ZCCHC2: variants seen among roughly 807,000 people sequenced by gnomAD.
ZCCHC2 encodes the protein zinc finger CCHC domain-containing protein 2.
A neutral mutation model predicts 103.6 loss-of-function variants in ZCCHC2; 39 were observed. That is an observed-to-expected ratio of 0.38 (90% CI 0.29 to 0.49). The LOEUF (loss-of-function observed/expected upper bound fraction) is 0.49. Ranked by LOEUF, ZCCHC2 falls within the 20% of genes least tolerant of loss-of-function variation. The probability of loss-of-function intolerance (pLI) is 0.96; values close to 1 mark genes in which losing one functional copy is unlikely to be tolerated. For synonymous variants in ZCCHC2, 687 were observed against 608.9 expected (o/e 1.13, Z -1.89); for missense variants, 1,483 against 1,491.0 (o/e 0.99, Z 0.09).
In ZCCHC2 at chr18:62,556,189, C is replaced by G. The variant is rs1427284267; in HGVS notation, c.1314-14C>G. On this transcript the variant is annotated splice_polypyrimidine_tract_variant and intron_variant, in intron 5 of 13. Transcript: ENST00000269499. The stretch of plus-strand genomic sequence containing the variant: ...TACCTGAAATTAACAAATCTCTTTT[C>G]TTTTTATGTGCAGGCAGCTATTTTC... The G allele has an allele frequency of 2.5e-6, 4 of 1,575,024 alleles. No individual in the cohort carries two copies. The highest frequency in any genetic ancestry group is 3.5e-6 in the Non-Finnish European group (4 of 1,158,748).
Position 62,586,613 on chromosome 18 carries a change from GA to G in ZCCHC2, c.*2243del, listed in dbSNP as rs1237763662. 7.2e-5 allele frequency: 11 copies of G among 152,094 alleles called. 1 individual carries two copies. The highest frequency in any genetic ancestry group is 2.7e-4 in the African/African-American group (11 of 41,432). 9.4% of individuals were successfully genotyped at this position (152,094 alleles called of 1,614,324 possible). ...CATCAACCCACCACCGACAAGCTAA[GA>G]ATGGTTTTTACATCTTTAAATGGTT... On this transcript the variant is annotated 3_prime_UTR_variant and NMD_transcript_variant, in exon 15 of 15. Coordinates refer to the ZCCHC2 transcript ENST00000585873.
At chr18:62,580,061 C>A (rs1917001550), downstream of ZCCHC2, among the ~76,000 whole-genome samples, 1 of 152,178 alleles carries the variant, frequency 6.6e-6, no homozygotes, top group African/African-American at 2.4e-5. Flanking sequence ...TTTATTTCCC[C>A]ACACACTGCT....
At chr18:62,524,519 C>G in intron 1 of ZCCHC2, 156 bp downstream of exon 1, 1 of 1,236,020 alleles carries the variant, frequency 8.1e-7, no homozygotes, top group Non-Finnish European at 1.1e-6. Context: ...GGCTGAGCTT[C>G]GTCTCGCTGG....
At chr18:62,558,855 T>C (rs1425903957) in intron 7 of ZCCHC2, 85 bp downstream of exon 7, 5 of 856,224 alleles carry the variant, frequency 5.8e-6, no homozygotes, top group African/African-American at 5.3e-5. Flanking sequence ...AACTGACATA[T>C]AGGAATTGGA....
In ZCCHC2 at chr18:62,565,061, C is replaced by G. The variant is rs183342032; in HGVS notation, c.1811C>G (p.Ser604Cys). 7.4e-6 allele frequency: 12 copies of G among 1,613,582 alleles called. No homozygotes were observed. The highest frequency in any genetic ancestry group is 4.5e-5 in the East Asian group (2 of 44,856). Residue 604 changes from serine (S) to cysteine (C), a missense_variant, in exon 11 of 14, where the codon TCC becomes TGC. Ser to Cys is a moderately radical substitution (Grantham distance 112, BLOSUM62 -1). Transcript: ENST00000269499. ...LNSRINGIRL[S>C]TPQHAHGGTV... ...AGTAGAATAAATGGTATTAGACTCT[C>G]CACTCCTCAGCATGCCCATGGTGGT... is the stretch of plus-strand genomic sequence containing the variant.
At chr18:62,533,060 A>G (rs931947466) in intron 1 of ZCCHC2, among the ~76,000 whole-genome samples, 5 of 152,116 alleles carry the variant, frequency 3.3e-5, no homozygotes, top group Non-Finnish European at 7.4e-5. Flanking sequence ...CCTGGGTAAC[A>G]GAGTGAGACC....
At chr18:62,564,981 C>A (rs1262412912) in intron 10 of ZCCHC2, 21 bp from the exon 11 acceptor site, 2 of 1,529,582 alleles carry the variant, frequency 1.3e-6, no homozygotes, top group Admixed American at 1.7e-5. Flanking sequence ...AAAATGTTGG[C>A]AATATGTTCA....
chr18:62,544,750 C>A, intron 3 of ZCCHC2, 52 bp from the exon 4 acceptor site: 1 of 1,457,042 alleles, frequency 6.9e-7, no homozygotes, highest in Non-Finnish European at 9.2e-7. Flanking sequence ...TTTTTCTAGC[C>A]GGTTCCTGCC....
At chr18:62,567,877 G>A (rs979671203) in intron 11 of ZCCHC2, among the ~76,000 whole-genome samples, 2 of 146,590 alleles carry the variant, frequency 1.4e-5, no homozygotes, top group Non-Finnish European at 3.0e-5. Context: ...CCCGGGAGGT[G>A]GAGGTTACAG....
intron 1 of ZCCHC2, among the ~76,000 whole-genome samples, chr18:62,529,912 T>C (rs1334524707): frequency 1.3e-5 from 2 of 152,212 alleles, no homozygotes; most frequent in Non-Finnish European, 2.9e-5. Context: ...CGTACAGACT[T>C]TTTTCTTGTA....
chr18:62,539,895 T>C, intron 2 of ZCCHC2, 103 bp downstream of exon 2: 1 of 918,892 alleles, frequency 1.1e-6, no homozygotes, highest in Non-Finnish European at 1.7e-6. Flanking sequence ...CTTTTTGAAG[T>C]GGAGAAGTCC....
intron 4 of ZCCHC2, among the ~76,000 whole-genome samples, chr18:62,547,126 A>G (rs138980810): frequency 0.15 from 23,262 of 152,010 alleles, 2,312 homozygotes; most frequent in Non-Finnish European, 0.22. Flanking sequence ...GCAGTTCAAG[A>G]CCAGCCTGAC....
chr18:62,561,155 C>G (rs1916098805), intron 8 of ZCCHC2, among the ~76,000 whole-genome samples: 1 of 152,210 alleles, frequency 6.6e-6, no homozygotes, highest in Non-Finnish European at 1.5e-5. Context: ...TTCCTTCCAA[C>G]TGAAGAACAC....
intron 11 of ZCCHC2, among the ~76,000 whole-genome samples, chr18:62,568,654 A>G (rs1012003415): frequency 1.3e-5 from 2 of 152,180 alleles, no homozygotes; most frequent in African/African-American, 2.4e-5. Context: ...ACTATAGTCT[A>G]CTGTAGTTTC....
At chr18:62,542,268 C>T (rs1463086064) in intron 2 of ZCCHC2, among the ~76,000 whole-genome samples, 1 of 152,062 alleles carries the variant, frequency 6.6e-6, no homozygotes, top group Non-Finnish European at 1.5e-5. Flanking sequence ...AAACACTCAG[C>T]ATGTCGTATG....
intron 1 of ZCCHC2, among the ~76,000 whole-genome samples, chr18:62,536,117 G>A (rs1025572670): frequency 2.0e-5 from 3 of 152,136 alleles, no homozygotes; most frequent in African/African-American, 7.2e-5. Flanking sequence ...TGTTTCACAA[G>A]GTCCCCACAG....
At chr18:62,564,940 G>T in intron 10 of ZCCHC2, 62 bp from the exon 11 acceptor site, 1 of 1,207,250 alleles carries the variant, frequency 8.3e-7, no homozygotes, top group Middle Eastern at 2.0e-4. Flanking sequence ...TATCAATACT[G>T]TACTGAATGT....
At chr18:62,551,567 G>C (rs1054083621) in intron 5 of ZCCHC2, 1 of 153,078 alleles carries the variant, frequency 6.5e-6, no homozygotes, top group Non-Finnish European at 1.5e-5. Context: ...AGAATGAACT[G>C]TGCTTGGAAG....
At position 62,539,665 on chromosome 18, in the gene ZCCHC2, C is replaced by T. The variant is rs1188435403; in HGVS notation, c.940-16C>T. 1.3e-6 allele frequency: 2 copies of T among 1,560,552 alleles called. No individual in the cohort carries two copies. Among genetic ancestry groups the T allele is most frequent in the Non-Finnish European group, 1.7e-6 (2 of 1,149,090 alleles). On this transcript the variant is annotated splice_polypyrimidine_tract_variant and intron_variant, in intron 1 of 13. Coordinates refer to ENST00000269499, the MANE Select transcript of ZCCHC2 (RefSeq NM_017742.6). ...TCCATGGTTTAAGTTAACGTATCTC[C>T]CTCTTTCTCATCTAGAACAACTCTG...
Sources: gnomAD v4.1 joint callset for allele counts (sites outside exome capture counted in the v4.1 genomes callset) on GRCh38, gnomAD v4.1.1 for gene constraint, MANE v1.5 for transcripts, NCBI Gene and HGNC (gene_info 2026-07-23, HGNC 2026-07-21) for gene names.